The following SAE1 variants were observed in gnomAD, a reference collection of about 807,000 sequenced individuals.
SAE1 encodes the protein SUMO-activating enzyme subunit 1.
Under a neutral mutation model 40.6 loss-of-function variants are expected in SAE1, and 11 were observed. The observed-to-expected ratio is 0.27, with a 90% CI of 0.17 to 0.45. The LOEUF (loss-of-function observed/expected upper bound fraction) is 0.45. Ranked by LOEUF, SAE1 falls within the 20% of genes least tolerant of loss-of-function variation. SAE1 has a pLI of 1.00. For synonymous variants in SAE1, 155 were observed against 154.3 expected, an observed-to-expected ratio of 1.00 and a Z score of -0.03; for missense variants, 373 against 427.3, an observed-to-expected ratio of 0.87 and a Z score of 1.12.
intron 6 of SAE1, among the ~76,000 whole-genome samples, chr19:47,172,438 TAGAA>T (rs2058440523): frequency 6.6e-6 from 1 of 152,122 alleles, no homozygotes; most frequent in African/African-American, 2.4e-5. Flanking sequence ...GCCTCGCACA[TAGAA>T]AGCCCTCAGG....
At chr19:47,208,393 G>A (rs964368919) in intron 8 of SAE1, among the ~76,000 whole-genome samples, 3 of 151,406 alleles carry the variant, frequency 2.0e-5, no homozygotes, top group Admixed American at 1.3e-4. Context: ...CCGAGTAGCT[G>A]GCACCTTGGG....
At chr19:47,200,303 G>A (rs1400032289) in intron 7 of SAE1, among the ~76,000 whole-genome samples, 1 of 149,028 alleles carries the variant, frequency 6.7e-6, no homozygotes, top group Non-Finnish European at 1.5e-5. Flanking sequence ...GCACATCATA[G>A]CTCACTGCAG....
intron 1 of SAE1, among the ~76,000 whole-genome samples, chr19:47,141,088 G>C (rs747849490): frequency 6.6e-6 from 1 of 151,724 alleles, no homozygotes; most frequent in Non-Finnish European, 1.5e-5. Context: ...TGCAACCTCC[G>C]CCTCCCAGGT....
intron 5 of SAE1, 106 bp from the exon 6 acceptor site, chr19:47,169,712 A>G (rs1288792561): frequency 7.7e-6 from 6 of 774,840 alleles, no homozygotes; most frequent in Non-Finnish European, 1.4e-5. Context: ...TTTAATGGTC[A>G]GTAAACTTTA....
chr19:47,151,711 G>A (rs1209284418), intron 3 of SAE1, among the ~76,000 whole-genome samples: 1 of 152,084 alleles, frequency 6.6e-6, no homozygotes, highest in Non-Finnish European at 1.5e-5. Context: ...TTTTTAACTT[G>A]AGGTATTGGG....
In SAE1 at chr19:47,152,745, T is replaced by G. The variant is rs139611996; in HGVS notation, c.385-153T>G. On this transcript the variant is annotated intron_variant, in intron 3 of 8. Transcript: ENST00000270225. Reference sequence around the variant, plus strand: ...TGAAACCTGCAACTTTTCTTTTGTCTTCTAGCCATAGGGCCCAAAGAACCT... The same window carrying G: ...TGAAACCTGCAACTTTTCTTTTGTCGTCTAGCCATAGGGCCCAAAGAACCT... 2.1e-3 allele frequency among the ~76,000 whole-genome samples: 327 copies of G among 152,358 alleles called. 3 individuals are homozygous for G. The highest frequency in any genetic ancestry group is 4.1e-3 in the Non-Finnish European group (277 of 68,036).
rs992341344 is a variant in SAE1 at position 47,145,260 on chromosome 19, C to A, written c.210+1655C>A. On this transcript the variant is annotated intron_variant, in intron 2 of 8. Coordinates refer to ENST00000270225, the MANE Select transcript of SAE1 (RefSeq NM_005500.3). ...AGGTGATCCTCCCACCTCGGCCTCC[C>A]AAAGTGCTGGGATTGCAGGCGTGAG... Among the ~76,000 whole-genome samples, 27 of 152,188 alleles carry A rather than the reference C, an allele frequency of 1.8e-4. 1 individual carries two copies. The highest frequency in any genetic ancestry group is 2.1e-4 in the South Asian group (1 of 4,830).
rs1269522258 is a variant in SAE1, at chr19:47,209,306, C to G, written c.*55C>G. 4.3e-6 allele frequency: 7 copies of G among 1,613,358 alleles called. No individual in the cohort carries two copies. The highest frequency in any genetic ancestry group is 5.9e-6 in the Non-Finnish European group (7 of 1,179,608). ...AACTGCAGCATGCCCACCTGTATTC[C>G]CTGTCCCCTTCCTTCATGAAGGCAT... On this transcript the variant is annotated 3_prime_UTR_variant, in exon 9 of 9. Transcript: ENST00000270225.
intron 7 of SAE1, among the ~76,000 whole-genome samples, chr19:47,198,947 C>T (rs1367600218): frequency 6.6e-6 from 1 of 152,010 alleles, no homozygotes; most frequent in Non-Finnish European, 1.5e-5. Context: ...ATTAACTGGG[C>T]ATCGATGACT....
At chr19:47,180,205 C>T (rs998962239) in intron 6 of SAE1, 15 of 456,114 alleles carry the variant, frequency 3.3e-5, no homozygotes, top group Non-Finnish European at 5.3e-5. Context: ...AAGCACTGAA[C>T]GCACTCATGC....
intron 6 of SAE1, among the ~76,000 whole-genome samples, 196 bp downstream of exon 6, chr19:47,170,119 A>T (rs902237850): frequency 6.6e-6 from 1 of 152,162 alleles, no homozygotes; most frequent in East Asian, 1.9e-4. Context: ...GGTTCTAATG[A>T]CTTCTCCTTT....
chr19:47,162,853 G>A (rs1158696994), intron 5 of SAE1, among the ~76,000 whole-genome samples: 1 of 152,062 alleles, frequency 6.6e-6, no homozygotes. Flanking sequence ...TTAGCTGGGC[G>A]TGGTAGCACG....
At chr19:47,133,932 G>A (rs968643101) in intron 1 of SAE1, among the ~76,000 whole-genome samples, 5 of 150,618 alleles carry the variant, frequency 3.3e-5, no homozygotes, top group South Asian at 2.1e-4. Context: ...GCATGGTCTC[G>A]GCTCACTGCA....
intron 7 of SAE1, among the ~76,000 whole-genome samples, chr19:47,202,284 C>T (rs1284802652): frequency 1.3e-5 from 2 of 151,510 alleles, no homozygotes; most frequent in South Asian, 2.1e-4. Flanking sequence ...AAAATTATAC[C>T]TATTTATTTA....
intron 5 of SAE1, among the ~76,000 whole-genome samples, chr19:47,166,177 G>A (rs73568426): frequency 1.3e-5 from 2 of 152,166 alleles, no homozygotes; most frequent in South Asian, 2.1e-4. Flanking sequence ...GGCCAGAGAC[G>A]TGGGGGTTTG....
At chr19:47,150,074 CAAAAA>C in intron 2 of SAE1, 123 bp from the exon 3 acceptor site, 86 of 334,902 alleles carry the variant, frequency 2.6e-4, no homozygotes, top group South Asian at 3.6e-4. Context: ...AAGACTGTCT[CAAAAA>C]AAAAAAAAAA....
At chr19:47,133,813 G>A (rs1260182398) in intron 1 of SAE1, among the ~76,000 whole-genome samples, 2 of 152,018 alleles carry the variant, frequency 1.3e-5, no homozygotes, top group Non-Finnish European at 2.9e-5. Flanking sequence ...AGGTTTGGTG[G>A]GGTCGGGGAA....
intron 6 of SAE1, among the ~76,000 whole-genome samples, chr19:47,179,836 G>A (rs1190474753): frequency 6.6e-6 from 1 of 152,166 alleles, no homozygotes; most frequent in Non-Finnish European, 1.5e-5. Flanking sequence ...GATTACAGGT[G>A]TGAGCCACTT....
At chr19:47,185,417 G>C (rs1428015330) in intron 6 of SAE1, among the ~76,000 whole-genome samples, 2 of 151,844 alleles carry the variant, frequency 1.3e-5, no homozygotes, top group Admixed American at 6.6e-5. Flanking sequence ...TGATTTTCCT[G>C]CCTCAGCTTC....
Sources: allele counts gnomAD v4.1 joint callset (sites outside exome capture counted in the v4.1 genomes callset), GRCh38; gene constraint gnomAD v4.1.1; transcripts MANE v1.5; gene names NCBI Gene and HGNC (gene_info 2026-07-23, HGNC 2026-07-21).